The following MICAL3 variants were observed in gnomAD, a reference collection of about 807,000 sequenced individuals.
MICAL3 encodes the protein microtubule associated monooxygenase, calponin and LIM domain containing 3.
In MICAL3, 62 loss-of-function variants were observed where a neutral mutation model predicts 207.4. The ratio of observed to expected loss-of-function variants is 0.30; its 90% CI spans 0.24 to 0.37. The LOEUF is 0.37. Among genes scored for constraint, MICAL3 ranks in the 10% least tolerant of loss-of-function variants. The pLI is 1.00. For synonymous variants in MICAL3, 1,077 were observed against 1,069.3 expected, an observed-to-expected ratio of 1.01 and a Z score of -0.14; for missense variants, 2,368 against 2,635.6, an observed-to-expected ratio of 0.90 and a Z score of 2.22.
intron 27 of MICAL3, among the ~76,000 whole-genome samples, chr22:17,816,185 A>C (rs1261359644): frequency 2.0e-5 from 3 of 152,210 alleles, no homozygotes; most frequent in Non-Finnish European, 2.9e-5. Flanking sequence ...GGGCTGAGTC[A>C]GACCTAGCAG....
In MICAL3 at chr22:17,818,699, C is replaced by A. The variant is rs748712897; in HGVS notation, c.3962G>T (p.Ser1321Ile). 6.2e-7 allele frequency: 1 copy of A among 1,613,794 alleles called. No individual in the cohort carries two copies. The highest frequency in any genetic ancestry group is 2.2e-5 in the East Asian group (1 of 44,874). Residue 1321 changes from serine to isoleucine, a missense_variant, in exon 26 of 32, where the codon AGC becomes ATC. Transcript: ENST00000441493. ...CATCCAGAACTCCTCCACCAGGTCG[C>A]TCCGTCTGAGGGCCTCATCCACAGC... ...PLAVDEALRR[S>I]DLVEEFWMKS...
chr22:17,825,269 TAAAC>T (rs1175041122), intron 22 of MICAL3, among the ~76,000 whole-genome samples: 2 of 151,924 alleles, frequency 1.3e-5, no homozygotes, highest in South Asian at 2.1e-4. Flanking sequence ...TAAAAAAAAA[TAAAC>T]AGGTGAGAAA....
rs1018211773 is a variant in MICAL3, at chr22:18,024,380, C to A, written c.-174G>T. 3 of 152,230 alleles carry A rather than the reference C, an allele frequency of 2.0e-5. No individual in the cohort carries two copies. Among genetic ancestry groups the A allele is most frequent in the African/African-American group, 7.2e-5 (3 of 41,458 alleles). The allele number at this position is 152,230 out of a possible 1,614,324, so 9.4% of individuals were successfully genotyped here. On this transcript the variant is annotated 5_prime_UTR_variant, in exon 1 of 32. Transcript: ENST00000441493. ...GGGCACAGGTGCCGCCGTGGCTGCT[C>A]GCACAACCCCTGCAGCTGCGATCCC...
At chr22:17,876,793 G>C (rs5992886) in intron 16 of MICAL3, 1 of 105,996 alleles carries the variant, frequency 9.4e-6, no homozygotes, top group Non-Finnish European at 1.9e-5. Flanking sequence ...AGGGAGGTTA[G>C]GGAAGTTATG....
At chr22:17,976,946 A>G (rs1935685736) in intron 1 of MICAL3, among the ~76,000 whole-genome samples, 2 of 151,858 alleles carry the variant, frequency 1.3e-5, no homozygotes, top group African/African-American at 4.8e-5. Flanking sequence ...AGCTGGGACT[A>G]CAGGCGCCCG....
At chr22:17,923,903 T>G (rs1348043781) in intron 1 of MICAL3, among the ~76,000 whole-genome samples, 3 of 152,234 alleles carry the variant, frequency 2.0e-5, no homozygotes, top group Non-Finnish European at 4.4e-5. Flanking sequence ...GAAAGAGGTT[T>G]AATTGACTCA....
chr22:17,961,942 G>A (rs1301768880), intron 1 of MICAL3, among the ~76,000 whole-genome samples: 1 of 152,166 alleles, frequency 6.6e-6, no homozygotes, highest in Non-Finnish European at 1.5e-5. Context: ...ATCTGTTTGG[G>A]GTTTCCTTTC....
intron 29 of MICAL3, among the ~76,000 whole-genome samples, chr22:17,803,081 A>G (rs116657618): frequency 6.6e-6 from 1 of 152,176 alleles, no homozygotes; most frequent in Non-Finnish European, 1.5e-5. Flanking sequence ...GCCTCACCCC[A>G]GAGTTTCTGA....
chr22:17,837,534 C>G (rs970056690), intron 20 of MICAL3, among the ~76,000 whole-genome samples: 4 of 152,226 alleles, frequency 2.6e-5, no homozygotes, highest in Admixed American at 2.0e-4. Context: ...GGAAGGCAGT[C>G]AGGGAAAACA....
In MICAL3 at chr22:17,808,851, G is replaced by T; in HGVS notation, c.5643C>A (p.Gly1881=). ...RGVAVEKALR[G]EAGMGKKDDP... The stretch of plus-strand genomic sequence containing the variant: ...GAGGGAGCCCGGCAGTACCTGCTTC[G>T]CCCCGGAGCGCCTTCTCCACAGCCA... Residue 1881 remains glycine (G), a synonymous_variant, in exon 29 of 32, where the codon GGC becomes GGA. Transcript: ENST00000441493. 1.3e-6 allele frequency: 2 copies of T among 1,552,312 alleles called. No homozygotes were observed. The highest frequency in any genetic ancestry group is 1.2e-5 in the South Asian group (1 of 84,124).
chr22:17,843,982 G>A (rs1386091461), intron 19 of MICAL3, among the ~76,000 whole-genome samples: 1 of 152,166 alleles, frequency 6.6e-6, no homozygotes, highest in Non-Finnish European at 1.5e-5. Context: ...GAGTAGCTGG[G>A]ACTACGGGCG....
At chr22:18,006,231 T>C (rs1202404130) in intron 1 of MICAL3, 1 of 152,212 alleles carries the variant, frequency 6.6e-6, no homozygotes, top group Non-Finnish European at 1.5e-5. Context: ...ACTTAGTGCA[T>C]GGGGTGATTA....
chr22:17,999,435 T>A (rs2146483712), intron 1 of MICAL3, among the ~76,000 whole-genome samples: 1 of 152,302 alleles, frequency 6.6e-6, no homozygotes, highest in South Asian at 2.1e-4. Context: ...TTACCCTAAT[T>A]TAAAAACGGA....
intron 17 of MICAL3, 55 bp downstream of exon 17, chr22:17,871,782 G>A: frequency 9.9e-6 from 15 of 1,510,760 alleles, no homozygotes; most frequent in Non-Finnish European, 1.3e-5. Context: ...AGCTCAGATG[G>A]AAACACTGTC....
rs371699918 is a variant in MICAL3 at position 17,818,905 on chromosome 22, C to T, written c.3756G>A (p.Thr1252=). The part of the protein sequence containing the change: ...PQPQPPVAAS[T]PPPSPLPICS... ...AGATGGGGAGTGGGCTGGGTGGGGG[C>T]GTGGAGGCCGCCACGGGTGGCTGGG... Residue 1252 remains threonine (T), a synonymous_variant, in exon 26 of 32, where the codon ACG becomes ACA. Coordinates refer to ENST00000441493, the MANE Select transcript of MICAL3 (RefSeq NM_015241.3). 42 of 1,560,614 alleles carry T rather than the reference C, an allele frequency of 2.7e-5. No individual in the cohort carries two copies. The highest frequency in any genetic ancestry group is 1.7e-4 in the Admixed American group (9 of 54,392).
chr22:17,996,073 T>C (rs376747351), intron 1 of MICAL3, among the ~76,000 whole-genome samples: 2 of 143,700 alleles, frequency 1.4e-5, no homozygotes, highest in African/African-American at 5.3e-5. Context: ...AAGGTTGCAG[T>C]GAACCATGAT....
At chr22:17,926,742 C>T (rs1401486762) in intron 1 of MICAL3, among the ~76,000 whole-genome samples, 1 of 152,224 alleles carries the variant, frequency 6.6e-6, no homozygotes, top group Non-Finnish European at 1.5e-5. Flanking sequence ...CCATGCTAAG[C>T]ATGGTGGGGA....
chr22:17,947,811 A>G (rs980490391), intron 1 of MICAL3, among the ~76,000 whole-genome samples: 1 of 152,168 alleles, frequency 6.6e-6, no homozygotes, highest in South Asian at 2.1e-4. Context: ...TGATTCTCCC[A>G]CTTCAGCCTC....
intron 1 of MICAL3, among the ~76,000 whole-genome samples, chr22:17,907,518 C>G (rs1262754735): frequency 6.6e-6 from 1 of 152,156 alleles, no homozygotes; most frequent in African/African-American, 2.4e-5. Flanking sequence ...ACCGGGAAGT[C>G]GGTACAAATG....
Sources: gnomAD v4.1 joint callset for allele counts (sites outside exome capture counted in the v4.1 genomes callset) on GRCh38, gnomAD v4.1.1 for gene constraint, MANE v1.5 for transcripts, NCBI Gene and HGNC (gene_info 2026-07-23, HGNC 2026-07-21) for gene names.